The following OR2T2 variants were observed in gnomAD, a reference collection of about 807,000 sequenced individuals.
OR2T2 encodes olfactory receptor 2T2.
For synonymous variants in OR2T2, 50 were observed against 162.7 expected, an observed-to-expected ratio of 0.31 and a Z score of 5.27; for missense variants, 138 against 409.1, an observed-to-expected ratio of 0.34 and a Z score of 5.72.
At chr1:248,447,762 G>GAAA (rs2103018568) in intron 2 of OR2T2, among the ~76,000 whole-genome samples, 1 of 152,274 alleles carries the variant, frequency 6.6e-6, no homozygotes, top group South Asian at 2.1e-4. Context: ...AAAGTTTCAT[G>GAAA]CTTTAAGATC....
chr1:248,450,554 TA>T (rs1475926233), intron 2 of OR2T2, among the ~76,000 whole-genome samples: 1 of 151,942 alleles, frequency 6.6e-6, no homozygotes, highest in Non-Finnish European at 1.5e-5. Context: ...GGAGTCTGAT[TA>T]TTTACATGAA....
exon 3 of OR2T2, chr1:248,453,995 C>T (rs1662883659): frequency 1.7e-6 from 1 of 575,794 alleles, no homozygotes; most frequent in Non-Finnish European, 3.0e-6. Context: ...GCAAAATCAT[C>T]CTGTTGCAAG....
chr1:248,451,041 T>TC (rs1662789742), intron 2 of OR2T2, among the ~76,000 whole-genome samples: 1 of 10,788 alleles, frequency 9.3e-5, no homozygotes, highest in Non-Finnish European at 2.0e-4. Context: ...TGCTTTTTTT[T>TC]CTTTCTCCCT....
chr1:248,446,163 GA>G (rs2103017363), intron 1 of OR2T2, among the ~76,000 whole-genome samples: 1 of 141,698 alleles, frequency 7.1e-6, no homozygotes, highest in South Asian at 2.2e-4. Flanking sequence ...GGGAAATCAT[GA>G]TTTTTTTTTT....
Position 248,450,379 on chromosome 1 carries a change from T to A in OR2T2, c.-22-2397T>A, listed in dbSNP as rs1438526523. Among the ~76,000 whole-genome samples the A allele has an allele frequency of 2.1e-5, 3 of 145,204 alleles. No homozygotes were observed. In the South Asian group the frequency reaches 6.4e-4, roughly 31 times the overall value. On this transcript the variant is annotated intron_variant, in intron 2 of 2. Transcript: ENST00000642130. The stretch of plus-strand genomic sequence containing the variant: ...TTTTTTTAACACGGTCTCGGTTGTA[T>A]AAAAATGAGGTGGCTAAAATCATAT...
chr1:248,446,194 CT>C (rs1210375147), intron 1 of OR2T2, among the ~76,000 whole-genome samples: 8 of 143,122 alleles, frequency 5.6e-5, no homozygotes, highest in Non-Finnish European at 1.2e-4. Flanking sequence ...CCTCCTTCCT[CT>C]TTTATTGAAC....
At chr1:248,449,812 T>TTTTCTTTTTC (rs1347754461) in intron 2 of OR2T2, among the ~76,000 whole-genome samples, 1 of 123,546 alleles carries the variant, frequency 8.1e-6, no homozygotes, top group Non-Finnish European at 1.5e-5. Flanking sequence ...AGCTTTTTCT[T>TTTTCTTTTTC]TTTCTTTTTC....
intron 2 of OR2T2, among the ~76,000 whole-genome samples, chr1:248,449,834 T>TTTTTCTTTTTC (rs1662751810): frequency 1.1e-5 from 1 of 93,306 alleles, no homozygotes; most frequent in Admixed American, 1.1e-4. Flanking sequence ...TTTTCTTTTT[T>TTTTTCTTTTTC]TTTTTTTTTG....
chr1:248,453,090 G>T (rs370148154), exon 3 of OR2T2: 1 of 1,613,094 alleles, frequency 6.2e-7, no homozygotes, highest in Non-Finnish European at 8.5e-7. Flanking sequence ...TTCCTGGGCT[G>T]TGCAGTTCAG....
At chr1:248,447,996 CTGTCTA>C (rs1662707549) in intron 2 of OR2T2, among the ~76,000 whole-genome samples, 2 of 152,294 alleles carry the variant, frequency 1.3e-5, no homozygotes, top group Non-Finnish European at 2.9e-5. Context: ...TTGATTCACA[CTGTCTA>C]TGCTACCCCC....
At chr1:248,455,206 A>C (rs2103023846) in exon 3 of OR2T2, 1 of 140,292 alleles carries the variant, frequency 7.1e-6, no homozygotes, top group African/African-American at 2.8e-5. Context: ...TACGAGGCTT[A>C]GAAAACATTG....
Sources: allele counts gnomAD v4.1 joint callset (sites outside exome capture counted in the v4.1 genomes callset), GRCh38; gene constraint gnomAD v4.1.1; transcripts MANE v1.5; gene names NCBI Gene and HGNC (gene_info 2026-07-23, HGNC 2026-07-21).